The following DST variants were observed in gnomAD, a reference collection of about 807,000 sequenced individuals.
DST encodes the protein dystonin, also known as bullous pemphigoid antigen.
In DST, 253 loss-of-function variants were observed where a neutral mutation model predicts 875.2. The ratio of observed to expected loss-of-function variants is 0.29; its 90% CI spans 0.26 to 0.32. DST has a LOEUF of 0.32. Among genes scored for constraint, DST ranks in the 10% least tolerant of loss-of-function variants. The probability of loss-of-function intolerance (pLI) is 1.00; values close to 1 mark genes in which losing one functional copy is unlikely to be tolerated. For missense variants in DST, 8,287 were observed against 9,111.6 expected, an observed-to-expected ratio of 0.91 and a Z score of 3.68; for synonymous variants, 3,124 against 3,197.1, an observed-to-expected ratio of 0.98 and a Z score of 0.77.
chr6:56,483,173 CTTCA>C (rs1363720004), intron 88 of DST, among the ~76,000 whole-genome samples: 2 of 152,136 alleles, frequency 1.3e-5, no homozygotes, highest in Non-Finnish European at 2.9e-5. Flanking sequence ...GGCAGCCAGC[CTTCA>C]TTATTTCAAT....
At chr6:56,903,749 C>A (rs1415737227) in intron 2 of DST, among the ~76,000 whole-genome samples, 2 of 152,162 alleles carry the variant, frequency 1.3e-5, no homozygotes, top group Non-Finnish European at 2.9e-5. Context: ...TAAGCCATCG[C>A]ATGCGGCCAA....
intron 4 of DST, among the ~76,000 whole-genome samples, chr6:56,773,386 T>C (rs953187316): frequency 6.6e-6 from 1 of 152,176 alleles, no homozygotes; most frequent in Non-Finnish European, 1.5e-5. Context: ...TATACTTTTT[T>C]CATTTCCTTT....
intron 11 of DST, 34 bp downstream of exon 11, chr6:56,651,098 T>A: frequency 6.3e-7 from 1 of 1,589,810 alleles, no homozygotes. Context: ...CAGACTTTCA[T>A]GCCAGTCCAC....
At position 56,485,298 on chromosome 6, in the gene DST, C is replaced by T. The variant is rs1370108046; in HGVS notation, c.21207+14G>A. 3.7e-6 allele frequency: 6 copies of T among 1,612,920 alleles called. No individual in the cohort carries two copies. The highest frequency in any genetic ancestry group is 5.1e-6 in the Non-Finnish European group (6 of 1,179,376). On this transcript the variant is annotated intron_variant, in intron 88 of 103. Coordinates refer to ENST00000680361, the MANE Select transcript of DST (RefSeq NM_001374736.1). ...ATCAAACAAGATAAAATAAAATGTC[C>T]CAGATAACAATACCTTGTGATTATC...
At chr6:56,767,112 A>C (rs984396244) in intron 4 of DST, among the ~76,000 whole-genome samples, 2 of 152,234 alleles carry the variant, frequency 1.3e-5, no homozygotes, top group Admixed American at 1.3e-4. Flanking sequence ...CATCAGCTAA[A>C]GATCAGGTAA....
At chr6:56,637,965 G>T (rs908576894) in intron 22 of DST, among the ~76,000 whole-genome samples, 1 of 151,784 alleles carries the variant, frequency 6.6e-6, no homozygotes, top group Admixed American at 6.6e-5. Flanking sequence ...TATAAAAGAT[G>T]TATCATATTT....
intron 3 of DST, among the ~76,000 whole-genome samples, chr6:56,852,775 T>C (rs1026759810): frequency 6.6e-6 from 1 of 152,236 alleles, no homozygotes; most frequent in South Asian, 2.1e-4. Flanking sequence ...ATTCCTGAAA[T>C]GTAACTTGCA....
At chr6:56,612,700 G>A (rs781489566) in intron 37 of DST, among the ~76,000 whole-genome samples, 2 of 152,074 alleles carry the variant, frequency 1.3e-5, no homozygotes, top group African/African-American at 2.4e-5. Context: ...GATTTTTGAA[G>A]GACATACTTA....
At chr6:56,573,991 A>T (rs2097822017) in intron 50 of DST, 104 bp from the exon 51 acceptor site, 3 of 791,582 alleles carry the variant, frequency 3.8e-6, no homozygotes, top group Non-Finnish European at 3.9e-6. Flanking sequence ...CAAAAAATTT[A>T]AAAAATAAAA....
chr6:56,816,877 C>A (rs921169427), intron 4 of DST, among the ~76,000 whole-genome samples: 7 of 150,976 alleles, frequency 4.6e-5, no homozygotes, highest in African/African-American at 1.7e-4. Context: ...TAAAGTACAG[C>A]TTGTTAGCAA....
intron 17 of DST, among the ~76,000 whole-genome samples, chr6:56,641,361 T>A (rs1482866118): frequency 6.6e-6 from 1 of 151,998 alleles, no homozygotes; most frequent in Non-Finnish European, 1.5e-5. Context: ...CTGAGGCAGG[T>A]GGATCACTTA....
At chr6:56,903,707 C>T (rs566420689) in intron 2 of DST, among the ~76,000 whole-genome samples, 12 of 152,258 alleles carry the variant, frequency 7.9e-5, no homozygotes, top group African/African-American at 2.9e-4. Context: ...ATCTGCCCAG[C>T]TCAGCTTCCC....
At chr6:56,667,125 G>C (rs747271889) in intron 10 of DST, among the ~76,000 whole-genome samples, 1 of 152,064 alleles carries the variant, frequency 6.6e-6, no homozygotes, top group African/African-American at 2.4e-5. Flanking sequence ...GCCCAGGCTG[G>C]TCTCCAACTC....
intron 36 of DST, chr6:56,616,322 A>C: frequency 6.2e-7 from 1 of 1,613,838 alleles, no homozygotes; most frequent in Non-Finnish European, 8.5e-7. Context: ...ATAGGATTCA[A>C]AAAACATAGC....
rs56159731 is a variant in DST at position 56,482,466 on chromosome 6, C to T, written c.21402+217G>A. Reference sequence around the variant, plus strand: ...CCAAGCTGAGACATTACTCACGCAGCACTTGTATGTGAAGATTAGAATGCC... The same window carrying T: ...CCAAGCTGAGACATTACTCACGCAGTACTTGTATGTGAAGATTAGAATGCC... On this transcript the variant is annotated intron_variant, in intron 89 of 103. Coordinates refer to ENST00000680361, the MANE Select transcript of DST (RefSeq NM_001374736.1). The T allele has an allele frequency of 3.7e-3, 1,999 of 533,366 alleles. 32 individuals are homozygous for T. The highest frequency in any genetic ancestry group is 0.033 in the African/African-American group (1,704 of 51,918). 33.0% of individuals were successfully genotyped at this position (533,366 alleles called of 1,614,324 possible). A position where few individuals can be genotyped will look rare whatever the true frequency, so the allele number is the denominator to read the frequency against.
At chr6:56,950,623 A>G (rs577025257) in intron 2 of DST, among the ~76,000 whole-genome samples, 2 of 152,368 alleles carry the variant, frequency 1.3e-5, no homozygotes, top group South Asian at 2.1e-4. Flanking sequence ...TGCTACATCA[A>G]TGTGAAATCA....
chr6:56,716,284 GAA>G (rs2099394283), intron 5 of DST, among the ~76,000 whole-genome samples: 1 of 152,202 alleles, frequency 6.6e-6, no homozygotes, highest in Admixed American at 6.5e-5. Context: ...TTTGACAAAA[GAA>G]CAAAGGCAAT....
At position 56,603,559 on chromosome 6, in the gene DST, C is replaced by A. The variant is rs748630905; in HGVS notation, c.10941+5G>T. The A allele has an allele frequency of 5.0e-6, 8 of 1,603,270 alleles. No homozygotes were observed. The highest frequency in any genetic ancestry group is 6.8e-6 in the Non-Finnish European group (8 of 1,176,110). ...ATCCATAAAGAGGCAGTAGACAATTCTTACCTCCAACTGTCTAAGTTGATT... is the reference window on the plus strand; with the variant it reads ...ATCCATAAAGAGGCAGTAGACAATTATTACCTCCAACTGTCTAAGTTGATT... On this transcript the variant is annotated splice_donor_5th_base_variant and intron_variant, in intron 41 of 103. Transcript: ENST00000680361.
chr6:56,766,513 T>C (rs1000955550), intron 4 of DST, among the ~76,000 whole-genome samples: 2 of 151,900 alleles, frequency 1.3e-5, no homozygotes, highest in African/African-American at 4.8e-5. Flanking sequence ...TTCTCTGCAA[T>C]TGCTGCGGTA....
Sources: gnomAD v4.1 joint callset for allele counts (sites outside exome capture counted in the v4.1 genomes callset) on GRCh38, gnomAD v4.1.1 for gene constraint, MANE v1.5 for transcripts, NCBI Gene and HGNC (gene_info 2026-07-23, HGNC 2026-07-21) for gene names.